The following RUNX2 variants were observed in gnomAD, a reference collection of about 807,000 sequenced individuals.
The protein encoded by RUNX2 is RUNX family transcription factor 2.
A neutral mutation model predicts 51.7 loss-of-function variants in RUNX2; 10 were observed. That is an observed-to-expected ratio of 0.19 (90% confidence interval 0.12 to 0.33). The LOEUF is 0.33. RUNX2 is among the 10% of genes least tolerant of loss of function. RUNX2 has a pLI of 1.00. For synonymous variants in RUNX2, 276 were observed against 273.6 expected, an observed-to-expected ratio of 1.01 and a Z score of -0.09; for missense variants, 562 against 691.3, an observed-to-expected ratio of 0.81 and a Z score of 2.10.
intron 7 of RUNX2, among the ~76,000 whole-genome samples, chr6:45,542,485 A>G (rs1233888417): frequency 6.6e-6 from 1 of 152,152 alleles, no homozygotes; most frequent in Admixed American, 6.5e-5. Flanking sequence ...TTGGAATGAA[A>G]TGCATCTGTA....
At position 45,340,344 on chromosome 6, in the gene RUNX2, G is replaced by C. The variant is rs934587778; in HGVS notation, c.58+11560G>C. On this transcript the variant is annotated intron_variant, in intron 2 of 8. Transcript: ENST00000647337. ...TTTGTTAAGCCCCCTTCCCCCTCAA[G>C]ACAAGGTCTCACTCTGTCACCCAGG... Among the ~76,000 whole-genome samples, 4 of 152,064 alleles carry C rather than the reference G, an allele frequency of 2.6e-5. 1 individual carries two copies. The highest frequency in any genetic ancestry group is 9.7e-5 in the African/African-American group (4 of 41,388).
chr6:45,383,390 T>G (rs1797282588), intron 2 of RUNX2, among the ~76,000 whole-genome samples: 1 of 152,092 alleles, frequency 6.6e-6, no homozygotes, highest in Admixed American at 6.5e-5. Context: ...TGAGCCAAGA[T>G]AGCGCCACCG....
At chr6:45,448,328 C>T (rs1053287868) in intron 5 of RUNX2, among the ~76,000 whole-genome samples, 5 of 152,118 alleles carry the variant, frequency 3.3e-5, no homozygotes, top group East Asian at 1.9e-4. Context: ...CCTGAGCAAC[C>T]GGAGCAGGAA....
At chr6:45,339,078 A>T (rs1789209351) in intron 2 of RUNX2, among the ~76,000 whole-genome samples, 1 of 152,232 alleles carries the variant, frequency 6.6e-6, no homozygotes, top group South Asian at 2.1e-4. Flanking sequence ...CATACTTGCC[A>T]TAAATATCTT....
At chr6:45,492,289 A>G (rs923687028) in intron 6 of RUNX2, among the ~76,000 whole-genome samples, 175 bp downstream of exon 6, 3 of 152,134 alleles carry the variant, frequency 2.0e-5, no homozygotes, top group African/African-American at 7.2e-5. Context: ...ATAACATTCA[A>G]TAACTTGGGG....
At chr6:45,477,967 C>T (rs1055238738) in intron 5 of RUNX2, among the ~76,000 whole-genome samples, 1 of 152,208 alleles carries the variant, frequency 6.6e-6, no homozygotes, top group Admixed American at 6.5e-5. Flanking sequence ...TGAGCTCCAG[C>T]GATGCCAAAT....
chr6:45,385,322 GT>G (rs979681957), intron 2 of RUNX2, among the ~76,000 whole-genome samples: 1 of 152,130 alleles, frequency 6.6e-6, no homozygotes, highest in Non-Finnish European at 1.5e-5. Context: ...CCCAACCCAA[GT>G]TTTTTTCTTA....
rs367603298 is a variant in RUNX2 at position 45,333,895 on chromosome 6, T to G, written c.58+5111T>G. On this transcript the variant is annotated intron_variant, in intron 2 of 8. Transcript: ENST00000647337. ...CTAAATAAAAGATAAATGTTTACCT[T>G]GATTAGATGATTTTCATCTTTTAAA... Among the ~76,000 whole-genome samples, 35 of 151,440 alleles carry G rather than the reference T, an allele frequency of 2.3e-4. No individual in the cohort carries two copies. In the East Asian group the frequency reaches 5.8e-3, roughly 25 times the overall value.
intron 5 of RUNX2, among the ~76,000 whole-genome samples, chr6:45,463,492 T>G (rs1799533770): frequency 6.6e-6 from 1 of 152,234 alleles, no homozygotes; most frequent in Non-Finnish European, 1.5e-5. Flanking sequence ...AACTTTAGTC[T>G]TTATTTCATT....
At chr6:45,423,027 C>A in intron 3 of RUNX2, 70 bp downstream of exon 3, 2 of 1,571,660 alleles carry the variant, frequency 1.3e-6, no homozygotes, top group East Asian at 2.3e-5. Context: ...TCTTCCTGCC[C>A]ACGGGGCTGG....
chr6:45,399,521 A>G (rs1258110918), intron 2 of RUNX2, among the ~76,000 whole-genome samples: 1 of 151,314 alleles, frequency 6.6e-6, no homozygotes, highest in Non-Finnish European at 1.5e-5. Flanking sequence ...CACCACGCCC[A>G]GCTAATTTTT....
At chr6:45,359,768 G>A (rs1462569659) in intron 2 of RUNX2, among the ~76,000 whole-genome samples, 1 of 152,178 alleles carries the variant, frequency 6.6e-6, no homozygotes, top group Non-Finnish European at 1.5e-5. Context: ...GACAGGCTGG[G>A]CGCAGAGGCT....
At chr6:45,475,478 G>A (rs1485890784) in intron 5 of RUNX2, among the ~76,000 whole-genome samples, 1 of 152,152 alleles carries the variant, frequency 6.6e-6, no homozygotes, top group Non-Finnish European at 1.5e-5. Flanking sequence ...TGGAAGGTAT[G>A]GCATGGAGAT....
At chr6:45,455,217 G>A (rs934822657) in intron 5 of RUNX2, among the ~76,000 whole-genome samples, 1 of 152,262 alleles carries the variant, frequency 6.6e-6, no homozygotes, top group African/African-American at 2.4e-5. Context: ...AACTGCGTTA[G>A]AAAATATTAT....
intron 6 of RUNX2, among the ~76,000 whole-genome samples, chr6:45,502,179 A>G (rs1800816392): frequency 1.3e-5 from 2 of 152,132 alleles, no homozygotes; most frequent in Admixed American, 1.3e-4. Flanking sequence ...GTGGGATGTC[A>G]TTTATCTTGG....
chr6:45,333,197 A>C (rs898582705), intron 2 of RUNX2, among the ~76,000 whole-genome samples: 1 of 151,654 alleles, frequency 6.6e-6, no homozygotes, highest in African/African-American at 2.4e-5. Flanking sequence ...AAAGATTATG[A>C]AATTCACTGG....
At chr6:45,504,379 C>G (rs1800894941) in intron 6 of RUNX2, among the ~76,000 whole-genome samples, 1 of 152,174 alleles carries the variant, frequency 6.6e-6, no homozygotes, top group Non-Finnish European at 1.5e-5. Context: ...CCCACCCATT[C>G]CCATGTTACA....
chr6:45,525,260 C>T (rs1044653000), intron 7 of RUNX2, among the ~76,000 whole-genome samples: 9 of 152,214 alleles, frequency 5.9e-5, no homozygotes, highest in Admixed American at 5.2e-4. Flanking sequence ...TAAAACCTCA[C>T]ATAACCTCTT....
intron 2 of RUNX2, among the ~76,000 whole-genome samples, chr6:45,395,806 A>G (rs919151852): frequency 6.6e-6 from 1 of 152,168 alleles, no homozygotes; most frequent in Non-Finnish European, 1.5e-5. Context: ...CTGGGATTAC[A>G]GGCATGTGAC....
Sources: gnomAD v4.1 joint callset for allele counts (sites outside exome capture counted in the v4.1 genomes callset) on GRCh38, gnomAD v4.1.1 for gene constraint, MANE v1.5 for transcripts, NCBI Gene and HGNC (gene_info 2026-07-23, HGNC 2026-07-21) for gene names.